The following ADCY1 variants were observed in gnomAD, a reference collection of about 807,000 sequenced individuals.
ADCY1 encodes the protein adenylate cyclase 1, also known as adenylate cyclase type 1.
ADCY1 carries 28 observed loss-of-function variants against 105.4 expected under a neutral mutation model. The ratio of observed to expected loss-of-function variants is 0.27; its 90% CI spans 0.20 to 0.36. The LOEUF is 0.36. Ranked by LOEUF, ADCY1 falls within the 10% of genes least tolerant of loss-of-function variation. The probability of loss-of-function intolerance (pLI) is 1.00; values close to 1 mark genes in which losing one functional copy is unlikely to be tolerated. For missense variants in ADCY1, 977 were observed against 1,434.2 expected, an observed-to-expected ratio of 0.68 and a Z score of 5.15; for synonymous variants, 655 against 623.8, an observed-to-expected ratio of 1.05 and a Z score of -0.75.
At chr7:45,624,231 A>G (rs1003732584) in intron 4 of ADCY1, among the ~76,000 whole-genome samples, 1 of 152,038 alleles carries the variant, frequency 6.6e-6, no homozygotes, top group Admixed American at 6.5e-5. Flanking sequence ...ACACGAGCTG[A>G]GGCCGGTGAG....
intron 7 of ADCY1, among the ~76,000 whole-genome samples, chr7:45,660,602 A>G (rs1795069169): frequency 6.6e-6 from 1 of 152,200 alleles, no homozygotes; most frequent in Non-Finnish European, 1.5e-5. Context: ...CCCAGAGAAA[A>G]GTGGTCTGGA....
intron 2 of ADCY1, among the ~76,000 whole-genome samples, chr7:45,604,321 A>C (rs886479351): frequency 3.3e-5 from 5 of 152,160 alleles, no homozygotes; most frequent in African/African-American, 1.2e-4. Flanking sequence ...TCATTCTTTT[A>C]GCAGAGTCTT....
intron 4 of ADCY1, among the ~76,000 whole-genome samples, chr7:45,633,774 C>A (rs906682056): frequency 4.1e-5 from 6 of 147,582 alleles, no homozygotes; most frequent in African/African-American, 1.5e-4. Context: ...TGCACTCCAG[C>A]CTGGTGACAG....
intron 3 of ADCY1, among the ~76,000 whole-genome samples, chr7:45,618,926 G>A (rs1009853246): frequency 6.6e-6 from 1 of 152,198 alleles, no homozygotes; most frequent in Non-Finnish European, 1.5e-5. Context: ...GTTTATTGCA[G>A]CACTATTCAC....
intron 6 of ADCY1, among the ~76,000 whole-genome samples, chr7:45,659,818 A>G (rs1355797586): frequency 6.6e-6 from 1 of 151,982 alleles, no homozygotes; most frequent in African/African-American, 2.4e-5. Flanking sequence ...CACCTCAGCC[A>G]TCCCTGCTGT....
At chr7:45,676,475 C>T (rs943214913) in intron 8 of ADCY1, among the ~76,000 whole-genome samples, 2 of 151,918 alleles carry the variant, frequency 1.3e-5, no homozygotes, top group Admixed American at 6.6e-5. Flanking sequence ...ACTCTGGATC[C>T]TACTGAAATT....
chr7:45,665,137 T>C (rs1452609539), intron 8 of ADCY1, among the ~76,000 whole-genome samples: 1 of 152,278 alleles, frequency 6.6e-6, no homozygotes, highest in African/African-American at 2.4e-5. Flanking sequence ...TGCAAAAATA[T>C]GATTTTTAAA....
intron 4 of ADCY1, among the ~76,000 whole-genome samples, chr7:45,643,913 G>T (rs1794589793): frequency 6.6e-6 from 1 of 152,120 alleles, no homozygotes; most frequent in African/African-American, 2.4e-5. Flanking sequence ...GAGGCTTCCG[G>T]GGACCTGATT....
intron 4 of ADCY1, among the ~76,000 whole-genome samples, chr7:45,633,757 G>A (rs571064831): frequency 8.1e-5 from 12 of 147,888 alleles, no homozygotes; most frequent in African/African-American, 2.8e-4. Context: ...AGCCGAGATC[G>A]TGCCACTGCA....
At chr7:45,627,675 T>C (rs1208225098) in intron 4 of ADCY1, among the ~76,000 whole-genome samples, 1 of 152,136 alleles carries the variant, frequency 6.6e-6, no homozygotes, top group African/African-American at 2.4e-5. Flanking sequence ...AGGCACTTTT[T>C]GGCCAGCAGG....
intron 1 of ADCY1, among the ~76,000 whole-genome samples, chr7:45,576,289 A>G (rs2115686249): frequency 6.6e-6 from 1 of 152,270 alleles, no homozygotes; most frequent in East Asian, 1.9e-4. Flanking sequence ...CCGGGGGACC[A>G]GCACCCAAGG....
Position 45,574,802 on chromosome 7 carries a change from G to A in ADCY1, c.259G>A (p.Ala87Thr). The change falls in exon 1 of 20, where the codon GCG (alanine) becomes ACG (threonine). Residue 87 changes from alanine to threonine, a missense_variant. This residue lies in a region of ADCY1 where 209 missense variants were observed against 222.5 expected (regional missense o/e 0.94). Transcript: ENST00000297323. This position sits in a 1 kb window ranked among gnomAD's most constrained non-coding sequence, Gnocchi z 7.0. Reference sequence around the variant, plus strand: ...CGAGCTGCTGGGCGCGCCGGGGCCCGCGCCCGGCCTGGCCAAGGGCTCACA... The same window carrying A: ...CGAGCTGCTGGGCGCGCCGGGGCCCACGCCCGGCCTGGCCAAGGGCTCACA... ...LAELLGAPGP[A>T]PGLAKGSHPV... 4 of 1,571,754 alleles carry A rather than the reference G, an allele frequency of 2.5e-6. No individual in the cohort carries two copies. The highest frequency in any genetic ancestry group is 3.4e-6 in the Non-Finnish European group (4 of 1,165,432).
intron 14 of ADCY1, among the ~76,000 whole-genome samples, chr7:45,688,692 A>C (rs1784734477): frequency 6.6e-6 from 1 of 152,178 alleles, no homozygotes; most frequent in East Asian, 1.9e-4. Flanking sequence ...ATGTGCTCAC[A>C]AATGCTTGGT....
intron 8 of ADCY1, among the ~76,000 whole-genome samples, chr7:45,675,505 C>G (rs1784439832): frequency 6.6e-6 from 1 of 151,978 alleles, no homozygotes; most frequent in Non-Finnish European, 1.5e-5. Flanking sequence ...CCTTCTTTTA[C>G]TATTTTCTTT....
intron 2 of ADCY1, among the ~76,000 whole-genome samples, chr7:45,600,083 G>A (rs1793187454): frequency 6.6e-6 from 1 of 152,242 alleles, no homozygotes; most frequent in Admixed American, 6.5e-5. Context: ...GCCCAGGTGT[G>A]GCCGGGAGAG....
chr7:45,659,684 C>T (rs1379707114), intron 6 of ADCY1, among the ~76,000 whole-genome samples: 1 of 152,168 alleles, frequency 6.6e-6, no homozygotes, highest in Non-Finnish European at 1.5e-5. Flanking sequence ...ACTCCCATGT[C>T]TCCTCTCCTC....
At chr7:45,697,959 C>T (rs1395716422) in intron 14 of ADCY1, among the ~76,000 whole-genome samples, 1 of 152,150 alleles carries the variant, frequency 6.6e-6, no homozygotes, top group Admixed American at 6.6e-5. Flanking sequence ...CTGATTTGCC[C>T]TCCAGCTCAT....
At chr7:45,684,493 A>T (rs969760567) in intron 11 of ADCY1, 1 of 152,308 alleles carries the variant, frequency 6.6e-6, no homozygotes, top group African/African-American at 2.4e-5. Flanking sequence ...TTTATCCGTG[A>T]AATCACTTTT....
chr7:45,609,365 G>C (rs1408851653), intron 2 of ADCY1, among the ~76,000 whole-genome samples: 1 of 152,184 alleles, frequency 6.6e-6, no homozygotes, highest in African/African-American at 2.4e-5. Context: ...TCTCAGTGCT[G>C]GGTGCCCGCG....
Sources: allele counts gnomAD v4.1 joint callset (sites outside exome capture counted in the v4.1 genomes callset), GRCh38; gene constraint gnomAD v4.1.1; regional missense constraint gnomAD v4.1.1; non-coding constraint Gnocchi (gnomAD v3.1); transcripts MANE v1.5; gene names NCBI Gene and HGNC (gene_info 2026-07-23, HGNC 2026-07-21).